The following AUH variants were observed in gnomAD, a reference collection of about 807,000 sequenced individuals.
AUH encodes the protein AU RNA binding methylglutaconyl-CoA hydratase.
In AUH, 29 loss-of-function variants were observed where a neutral mutation model predicts 42.3. The observed-to-expected ratio is 0.69, with a 90% CI of 0.51 to 0.93. The LOEUF (loss-of-function observed/expected upper bound fraction) is 0.93. Among genes scored for constraint, AUH ranks in the 40% least tolerant of loss-of-function variants. AUH has a pLI of 0.00. For missense variants in AUH, 452 were observed against 438.1 expected (o/e 1.03, Z -0.28); for synonymous variants, 174 against 166.4 (o/e 1.05, Z -0.35).
chr9:91,320,226 C>A (rs182764940), intron 4 of AUH, among the ~76,000 whole-genome samples: 2 of 152,170 alleles, frequency 1.3e-5, no homozygotes, highest in African/African-American at 4.8e-5. Flanking sequence ...TACAAATATA[C>A]GGTTTTAGAA....
At chr9:91,294,811 G>A in intron 6 of AUH, 1 of 454,206 alleles carries the variant, frequency 2.2e-6, no homozygotes, top group Non-Finnish European at 4.4e-6. Context: ...CAGATGTGGT[G>A]GAAAGAGCAA....
intron 3 of AUH, among the ~76,000 whole-genome samples, chr9:91,346,911 C>G (rs1435577419): frequency 6.6e-6 from 1 of 151,530 alleles, no homozygotes; most frequent in Non-Finnish European, 1.5e-5. Context: ...AGGAACAGAC[C>G]AATGGAACAG....
intron 3 of AUH, among the ~76,000 whole-genome samples, chr9:91,341,445 C>CAT (rs1323700922): frequency 5.3e-5 from 8 of 152,186 alleles, no homozygotes; most frequent in African/African-American, 1.9e-4. Context: ...AACGGTAAGT[C>CAT]ATAAAGCTAA....
chr9:91,252,225 A>G (rs891056016), intron 6 of AUH, among the ~76,000 whole-genome samples: 1 of 151,998 alleles, frequency 6.6e-6, no homozygotes, highest in Non-Finnish European at 1.5e-5. Context: ...TCGGCCTCCC[A>G]AAGTGCTGGG....
Position 91,217,322 on chromosome 9 carries a change from A to T in AUH, c.849T>A (p.Pro283=), listed in dbSNP as rs1826879043. Residue 283 remains proline (P), a synonymous_variant, in exon 8 of 10, where the codon CCT becomes CCA. Transcript: ENST00000375731. Reference sequence around the variant, plus strand: ...CTAATTTTGCCACTCTCATTGCAACAGGTCCCTAAAATTCAAATTAAAGAA... The same window carrying T: ...CTAATTTTGCCACTCTCATTGCAACTGGTCCCTAAAATTCAAATTAAAGAA... ...DLAREFLPQG[P]VAMRVAKLAI... 6.2e-7 allele frequency: 1 copy of T among 1,613,368 alleles called. No individual in the cohort carries two copies.
intron 6 of AUH, among the ~76,000 whole-genome samples, chr9:91,260,484 C>A (rs1024768706): frequency 4.6e-5 from 7 of 152,108 alleles, no homozygotes; most frequent in Non-Finnish European, 1.0e-4. Flanking sequence ...CTGTATTTCT[C>A]TCCATTTTTA....
chr9:91,255,619 C>G (rs767172330), intron 6 of AUH, among the ~76,000 whole-genome samples: 1 of 151,708 alleles, frequency 6.6e-6, no homozygotes, highest in Non-Finnish European at 1.5e-5. Flanking sequence ...GAAACTGTTA[C>G]AGAAGGATAT....
At chr9:91,309,084 G>A (rs528365830) in intron 4 of AUH, among the ~76,000 whole-genome samples, 8 of 151,468 alleles carry the variant, frequency 5.3e-5, no homozygotes, top group East Asian at 2.0e-4. Flanking sequence ...GAGCCACGGC[G>A]CCTGGTCTTA....
In AUH at chr9:91,214,161, A is replaced by G. The variant is rs1053848117; in HGVS notation, c.*187T>C. 7 of 598,438 alleles carry G rather than the reference A, an allele frequency of 1.2e-5. No homozygotes were observed. The Middle Eastern group carries it at 1.4e-3, about 119-fold the overall frequency. The allele number at this position is 598,438 out of a possible 1,614,324, so 37.1% of individuals were successfully genotyped here. A position where few individuals can be genotyped will look rare whatever the true frequency, so the allele number is the denominator to read the frequency against. Reference sequence around the variant, plus strand: ...CTACTAGCTTTATAAATCTGAATGAATATGACATTTACACATTTGAATGAA... The same window carrying G: ...CTACTAGCTTTATAAATCTGAATGAGTATGACATTTACACATTTGAATGAA... On this transcript the variant is annotated 3_prime_UTR_variant, in exon 10 of 10. Coordinates refer to ENST00000375731, the MANE Select transcript of AUH (RefSeq NM_001698.3).
At chr9:91,236,440 G>A (rs1285940378) in intron 6 of AUH, among the ~76,000 whole-genome samples, 4 of 152,162 alleles carry the variant, frequency 2.6e-5, no homozygotes, top group East Asian at 1.9e-4. Flanking sequence ...GAGGTTAGTG[G>A]GAAGGTAGCT....
At chr9:91,236,959 G>A (rs1193705980) in intron 6 of AUH, among the ~76,000 whole-genome samples, 1 of 152,128 alleles carries the variant, frequency 6.6e-6, no homozygotes, top group African/African-American at 2.4e-5. Context: ...AAACTGCTAT[G>A]TAACAGTCTA....
chr9:91,282,713 A>C (rs1826069191), intron 6 of AUH, among the ~76,000 whole-genome samples: 1 of 152,218 alleles, frequency 6.6e-6, no homozygotes, highest in South Asian at 2.1e-4. Context: ...AAAATCTAGA[A>C]GAAATGGATA....
Position 91,296,071 on chromosome 9 carries a change from G to A in AUH, c.605C>T (p.Ser202Phe), listed in dbSNP as rs777012862. The A allele has an allele frequency of 2.5e-6, 4 of 1,613,942 alleles. No individual in the cohort carries two copies. Among genetic ancestry groups the A allele is most frequent in the Non-Finnish European group, 3.4e-6 (4 of 1,179,972 alleles). ...LACDIRVAAS[S>F]AKMGLVETKL... ...TGTTTCAACCAGGCCCATTTTTGCAGAGGAAGCTAAAACGAAAGAAAGAAA... is the reference window on the plus strand; with the variant it reads ...TGTTTCAACCAGGCCCATTTTTGCAAAGGAAGCTAAAACGAAAGAAAGAAA... The change falls in exon 6 of 10, where the codon TCT becomes TTT. Residue 202 changes from serine to phenylalanine, a missense_variant. Physicochemically the swap from Ser to Phe is radical, Grantham distance 155 (BLOSUM62 -2). Transcript: ENST00000375731.
intron 3 of AUH, among the ~76,000 whole-genome samples, chr9:91,353,892 G>A (rs1587926062): frequency 7.2e-6 from 1 of 139,494 alleles, no homozygotes; most frequent in Non-Finnish European, 1.5e-5. Context: ...ATGTAAAAAA[G>A]AGGCCATGTG....
intron 3 of AUH, among the ~76,000 whole-genome samples, chr9:91,341,286 G>A (rs1479805233): frequency 6.6e-6 from 1 of 152,142 alleles, no homozygotes; most frequent in Non-Finnish European, 1.5e-5. Flanking sequence ...TCTCTGACCA[G>A]CTGCCCACCC....
chr9:91,230,546 T>C (rs1486445633), intron 6 of AUH, among the ~76,000 whole-genome samples: 4 of 152,224 alleles, frequency 2.6e-5, no homozygotes, highest in Non-Finnish European at 5.9e-5. Context: ...AGCCTTCTTC[T>C]CTCAGCTCGT....
At chr9:91,298,391 A>T (rs1297923604) in intron 4 of AUH, among the ~76,000 whole-genome samples, 4 of 152,230 alleles carry the variant, frequency 2.6e-5, no homozygotes, top group Non-Finnish European at 5.9e-5. Context: ...TTAGAGCCAG[A>T]AGTCTTTCAC....
At position 91,213,942 on chromosome 9, in the gene AUH, ATTTGGTATAACTTCACATT is replaced by A. The variant is rs1826682151; in HGVS notation, c.*387_*405del. 5.9e-6 allele frequency: 1 copy of A among 169,276 alleles called. No homozygotes were observed. The highest frequency in any genetic ancestry group is 1.3e-5 in the Non-Finnish European group (1 of 77,592). 10.5% of individuals were successfully genotyped at this position (169,276 alleles called of 1,614,324 possible). Reference sequence around the variant, plus strand: ...TATGCATTAATCACTTAGAAACTTTATTTGGTATAACTTCACATTTTTGGTATATAGAAATTTTATTTTC... The same window carrying A: ...TATGCATTAATCACTTAGAAACTTTATTTGGTATATAGAAATTTTATTTTC... On this transcript the variant is annotated 3_prime_UTR_variant, in exon 10 of 10. Transcript: ENST00000375731.
chr9:91,279,601 G>C (rs922715799), intron 6 of AUH, among the ~76,000 whole-genome samples: 2 of 152,084 alleles, frequency 1.3e-5, no homozygotes, highest in African/African-American at 4.8e-5. Flanking sequence ...CAAGGAGGGG[G>C]AAGTGCCACA....
Sources: allele counts gnomAD v4.1 joint callset (sites outside exome capture counted in the v4.1 genomes callset), GRCh38; gene constraint gnomAD v4.1.1; transcripts MANE v1.5; gene names NCBI Gene and HGNC (gene_info 2026-07-23, HGNC 2026-07-21).